The following SLC25A24 variants were observed in gnomAD, a reference collection of about 807,000 sequenced individuals.
The protein encoded by SLC25A24 is solute carrier family 25 member 24.
Under a neutral mutation model 60.7 loss-of-function variants are expected in SLC25A24, and 49 were observed. That is an observed-to-expected ratio of 0.81 (90% confidence interval 0.64 to 1.02). The LOEUF (loss-of-function observed/expected upper bound fraction) is 1.02. Ranked by LOEUF, SLC25A24 falls within the 50% of genes least tolerant of loss-of-function variation. SLC25A24 has a pLI of 0.00. For missense variants in SLC25A24, 564 were observed against 586.3 expected (o/e 0.96, Z 0.39); for synonymous variants, 202 against 200.6 (o/e 1.01, Z -0.06).
At chr1:108,189,089 T>C (rs962716786) in intron 1 of SLC25A24, among the ~76,000 whole-genome samples, 2 of 152,350 alleles carry the variant, frequency 1.3e-5, no homozygotes, top group Middle Eastern at 3.4e-3. Context: ...ATTTGTTCCT[T>C]TCACTCTTTG....
chr1:108,140,245 T>C (rs1679408212), intron 8 of SLC25A24, among the ~76,000 whole-genome samples: 1 of 152,080 alleles, frequency 6.6e-6, no homozygotes, highest in African/African-American at 2.4e-5. Context: ...AAATGGAATG[T>C]TATATTCTAT....
At chr1:108,170,434 T>C (rs1009308395) in intron 3 of SLC25A24, among the ~76,000 whole-genome samples, 1 of 152,142 alleles carries the variant, frequency 6.6e-6, no homozygotes, top group African/African-American at 2.4e-5. Context: ...AAATATTTTT[T>C]CTAATTTTTT....
At chr1:108,140,630 G>C (rs1228279282) in intron 8 of SLC25A24, among the ~76,000 whole-genome samples, 2 of 152,052 alleles carry the variant, frequency 1.3e-5, no homozygotes, top group African/African-American at 2.4e-5. Context: ...AAGACATAAA[G>C]TTTGTGGGGA....
Position 108,180,616 on chromosome 1 carries a change from A to ATCTCTCTC in SLC25A24, c.398+1317_398+1324dup, listed in dbSNP as rs3043349. Among the ~76,000 whole-genome samples the ATCTCTCTC allele has an allele frequency of 4.0e-3, 250 of 61,732 alleles. 5 individuals are homozygous for ATCTCTCTC. Among genetic ancestry groups the ATCTCTCTC allele is most frequent in the African/African-American group, 0.013 (189 of 14,468 alleles). The allele number at this position is 61,732 out of a possible 152,430, so 40.5% of individuals were successfully genotyped here. ...CCTTATAATAGAAAGCAAGAGAAAGATCTCTCTCTCTCTCTCTCTCTCTCT... is the reference window on the plus strand; with the variant it reads ...CCTTATAATAGAAAGCAAGAGAAAGATCTCTCTCTCTCTCTCTCTCTCTCTCTCTCTCT... On this transcript the variant is annotated intron_variant, in intron 3 of 9. Coordinates refer to ENST00000565488, the MANE Select transcript of SLC25A24 (RefSeq NM_013386.5).
chr1:108,184,819 C>T (rs1177156616), intron 2 of SLC25A24, among the ~76,000 whole-genome samples: 1 of 152,194 alleles, frequency 6.6e-6, no homozygotes, highest in Non-Finnish European at 1.5e-5. Context: ...TGATCTCAGA[C>T]ATGAACCACA....
At chr1:108,138,299 G>T (rs540035121) in intron 9 of SLC25A24, among the ~76,000 whole-genome samples, 1 of 152,328 alleles carries the variant, frequency 6.6e-6, no homozygotes, top group South Asian at 2.1e-4. Flanking sequence ...TGACTGCTTG[G>T]CTGGGGTTGC....
In SLC25A24 at chr1:108,139,444, A is replaced by G. The variant is rs566869898; in HGVS notation, c.1099-236T>C. On this transcript the variant is annotated intron_variant, in intron 8 of 9. Coordinates refer to ENST00000565488, the MANE Select transcript of SLC25A24 (RefSeq NM_013386.5). The stretch of plus-strand genomic sequence containing the variant: ...CTGACATTCTTCTAAACAAACGTGA[A>G]CTGCGCAGCAAACGCTGCAGGATCT... Among the ~76,000 whole-genome samples the G allele has an allele frequency of 2.2e-4, 34 of 152,334 alleles. No individual in the cohort carries two copies. In the South Asian group the frequency reaches 5.0e-3, roughly 22 times the overall value.
At chr1:108,191,402 T>C (rs1213486191) in intron 1 of SLC25A24, among the ~76,000 whole-genome samples, 1 of 140,416 alleles carries the variant, frequency 7.1e-6, no homozygotes, top group African/African-American at 2.5e-5. Context: ...AGTGCTGGAA[T>C]TACAGGCATG....
rs532485349 is a variant in SLC25A24 at position 108,180,616 on chromosome 1, A to ATCCCTC, written c.398+1324_398+1325insGAGGGA. 6.5e-3 allele frequency among the ~76,000 whole-genome samples: 402 copies of ATCCCTC among 61,776 alleles called. 34 individuals carry two copies. The highest frequency in any genetic ancestry group is 0.026 in the African/African-American group (382 of 14,506). The allele number at this position is 61,776 out of a possible 152,430, so 40.5% of individuals were successfully genotyped here. On this transcript the variant is annotated intron_variant, in intron 3 of 9. Transcript: ENST00000565488. Reference sequence around the variant, plus strand: ...CCTTATAATAGAAAGCAAGAGAAAGATCTCTCTCTCTCTCTCTCTCTCTCT... The same window carrying ATCCCTC: ...CCTTATAATAGAAAGCAAGAGAAAGATCCCTCTCTCTCTCTCTCTCTCTCTCTCTCT...
intron 4 of SLC25A24, among the ~76,000 whole-genome samples, chr1:108,160,106 A>ACCTC (rs1267809490): frequency 1.4e-5 from 2 of 147,736 alleles, no homozygotes; most frequent in African/African-American, 5.1e-5. Context: ...TGACCCCTCC[A>ACCTC]CCTCCCTCCC....
chr1:108,185,951 T>G lies in SLC25A24; in HGVS notation c.187A>C (p.Ile63Leu). Residue 63 changes from isoleucine (I) to leucine (L), a missense_variant, in exon 2 of 10, where the codon ATT becomes CTT. By Grantham distance (5) the Ile-to-Leu change is conservative. Transcript: ENST00000565488. The stretch of plus-strand genomic sequence containing the variant: ...TTGTTGACATCTCCAGTAGTAAAAA[T>G]TTTCTATAAAAAAAAATTAGAGAGA... ...IPLGQDAEEK[I>L]FTTGDVNKDG... The G allele has an allele frequency of 6.4e-7, 1 of 1,572,306 alleles. No homozygotes were observed. The highest frequency in any genetic ancestry group is 8.6e-7 in the Non-Finnish European group (1 of 1,160,200).
intron 6 of SLC25A24, among the ~76,000 whole-genome samples, chr1:108,150,007 T>A (rs966744793): frequency 6.6e-6 from 1 of 152,226 alleles, no homozygotes; most frequent in African/African-American, 2.4e-5. Flanking sequence ...AAGGGCTCTG[T>A]TTCCTGAACT....
At chr1:108,161,416 C>G in intron 3 of SLC25A24, 123 bp from the exon 4 acceptor site, 1 of 633,410 alleles carries the variant, frequency 1.6e-6, no homozygotes, top group East Asian at 3.0e-5. Flanking sequence ...ATTAAAAAAC[C>G]CCATCCACAA....
intron 3 of SLC25A24, among the ~76,000 whole-genome samples, chr1:108,166,307 G>A (rs1254943934): frequency 1.1e-4 from 17 of 151,382 alleles, no homozygotes; most frequent in East Asian, 5.8e-4. Flanking sequence ...TCTTTGTGGC[G>A]TTCTCTGTAT....
rs1679215320 is a variant in SLC25A24, at chr1:108,134,158, A to T, written c.*2495T>A. 1 of 152,216 alleles carries T rather than the reference A, an allele frequency of 6.6e-6. No homozygotes were observed. The allele number at this position is 152,216 out of a possible 1,614,324, so 9.4% of individuals were successfully genotyped here. A position where few individuals can be genotyped will look rare whatever the true frequency, so the allele number is the denominator to read the frequency against. On this transcript the variant is annotated 3_prime_UTR_variant, in exon 10 of 10. Coordinates refer to ENST00000565488, the MANE Select transcript of SLC25A24 (RefSeq NM_013386.5). Reference sequence around the variant, plus strand: ...GAGAACAGAGGAGCAGATGCTGGCAATTGCACACAGAGCTGCCTTGTGCAG... The same window carrying T: ...GAGAACAGAGGAGCAGATGCTGGCATTTGCACACAGAGCTGCCTTGTGCAG...
At chr1:108,159,398 C>A (rs1028201236) in intron 4 of SLC25A24, among the ~76,000 whole-genome samples, 1 of 151,356 alleles carries the variant, frequency 6.6e-6, no homozygotes, top group Non-Finnish European at 1.5e-5. Flanking sequence ...AAAAGCTAGA[C>A]AGCTTATTCA....
intron 1 of SLC25A24, chr1:108,198,555 T>C (rs184165063): frequency 6.6e-6 from 1 of 152,346 alleles, no homozygotes; most frequent in East Asian, 1.9e-4. Flanking sequence ...TTAAAAAGAA[T>C]TGGTAACATA....
chr1:108,166,903 T>C (rs1380666517), intron 3 of SLC25A24, among the ~76,000 whole-genome samples: 7 of 152,154 alleles, frequency 4.6e-5, no homozygotes, highest in African/African-American at 1.7e-4. Context: ...TGCTCTGTTT[T>C]TTCCCCATCT....
rs149670605 is a variant in SLC25A24, at chr1:108,136,789, C to T, written c.1298G>A (p.Arg433Gln). 156 of 1,613,894 alleles carry T rather than the reference C, an allele frequency of 9.7e-5. No homozygotes were observed. The highest frequency in any genetic ancestry group is 1.3e-4 in the Non-Finnish European group (149 of 1,179,994). ...PQLNMVGLFRRIISKEGIPGL... is the reference protein window; with the variant it reads ...PQLNMVGLFRQIISKEGIPGL... Reference sequence around the variant, plus strand: ...TGGTATTCCTTCTTTGGAAATAATTCGTCGAAAGAGGCCAACCATATTCAG... The same window carrying T: ...TGGTATTCCTTCTTTGGAAATAATTTGTCGAAAGAGGCCAACCATATTCAG... Residue 433 changes from arginine to glutamine, a missense_variant, in exon 10 of 10, where the codon CGA (arginine) becomes CAA (glutamine). Transcript: ENST00000565488.
Sources: allele counts gnomAD v4.1 joint callset (sites outside exome capture counted in the v4.1 genomes callset), GRCh38; gene constraint gnomAD v4.1.1; transcripts MANE v1.5; gene names NCBI Gene and HGNC (gene_info 2026-07-23, HGNC 2026-07-21).